Variants in PPARGC1A observed in about 807,000 individuals in gnomAD.
PPARGC1A encodes peroxisome proliferator-activated receptor gamma coactivator 1-alpha.
Under a neutral mutation model 88.7 loss-of-function variants are expected in PPARGC1A, and 25 were observed. The ratio of observed to expected loss-of-function variants is 0.28; its 90% CI spans 0.21 to 0.39. PPARGC1A has a LOEUF of 0.39. Among genes scored for constraint, PPARGC1A ranks in the 10% least tolerant of loss-of-function variants. PPARGC1A has a pLI of 1.00. For synonymous variants in PPARGC1A, 363 were observed against 355.6 expected (o/e 1.02, Z -0.24); for missense variants, 880 against 968.7 (o/e 0.91, Z 1.22).
the PPARGC1A span, among the ~76,000 whole-genome samples, chr4:24,393,710 T>C: frequency 6.6e-6 from 1 of 152,366 alleles, no homozygotes; most frequent in Admixed American, 6.5e-5. Context: ...CAGTACCACA[T>C]GCACAATTCT....
the PPARGC1A span, among the ~76,000 whole-genome samples, chr4:24,009,150 A>AAAAAAAGAG: frequency 0.011 from 842 of 79,784 alleles, 29 homozygotes; most frequent in African/African-American, 0.045. Flanking sequence ...AAAAAAAAAA[A>AAAAAAAGAG]AGAGAGAGAA....
chr4:24,041,669 T>C, the PPARGC1A span, among the ~76,000 whole-genome samples: 1 of 152,150 alleles, frequency 6.6e-6, no homozygotes, highest in South Asian at 2.1e-4. Flanking sequence ...ATAGAGATCA[T>C]TCTCTGCAGA....
chr4:24,056,375 A>T, the PPARGC1A span, among the ~76,000 whole-genome samples: 1 of 152,140 alleles, frequency 6.6e-6, no homozygotes, highest in African/African-American at 2.4e-5. Context: ...ATGGAGAATA[A>T]ATTATCCCAT....
At chr4:24,044,496 G>A in the PPARGC1A span, among the ~76,000 whole-genome samples, 1 of 152,108 alleles carries the variant, frequency 6.6e-6, no homozygotes, top group African/African-American at 2.4e-5. Context: ...TTTTGGAAGT[G>A]TTTGAGGAAA....
chr4:24,464,331 G>A, the PPARGC1A span, among the ~76,000 whole-genome samples: 12 of 152,296 alleles, frequency 7.9e-5, no homozygotes, highest in Admixed American at 3.9e-4. Context: ...CCTAAGAGAT[G>A]ATAACATCTA....
At chr4:24,074,733 CCCA>C in the PPARGC1A span, among the ~76,000 whole-genome samples, 3 of 152,146 alleles carry the variant, frequency 2.0e-5, no homozygotes, top group East Asian at 5.8e-4. Context: ...AAACATTTGC[CCCA>C]TGTGGTGGGA....
the PPARGC1A span, among the ~76,000 whole-genome samples, chr4:24,414,944 C>T: frequency 2.0e-5 from 3 of 152,106 alleles, no homozygotes; most frequent in Non-Finnish European, 4.4e-5. Context: ...AATCCCAACA[C>T]TTTGGGAGGC....
chr4:23,830,345 T>A (rs988595320), intron 3 of PPARGC1A, among the ~76,000 whole-genome samples: 3 of 152,200 alleles, frequency 2.0e-5, no homozygotes, highest in Non-Finnish European at 4.4e-5. Flanking sequence ...GTTTCTTCAT[T>A]TCACTGGATG....
intron 2 of PPARGC1A, among the ~76,000 whole-genome samples, chr4:23,855,322 T>C (rs1036279689): frequency 6.6e-6 from 1 of 152,206 alleles, no homozygotes; most frequent in Non-Finnish European, 1.5e-5. Context: ...CTTATTTGAA[T>C]CTGGCTTTTA....
chr4:23,945,987 G>A, the PPARGC1A span, among the ~76,000 whole-genome samples: 1 of 152,104 alleles, frequency 6.6e-6, no homozygotes, highest in Admixed American at 6.6e-5. Context: ...GCTGGAGGTG[G>A]ACACAAAGCG....
intron 10 of PPARGC1A, among the ~76,000 whole-genome samples, chr4:23,811,455 T>G (rs1327117668): frequency 5.3e-5 from 8 of 152,206 alleles, no homozygotes; most frequent in Non-Finnish European, 1.2e-4. Flanking sequence ...CAGTGCTATA[T>G]CTCATTGATT....
At chr4:24,433,908 T>A in the PPARGC1A span, among the ~76,000 whole-genome samples, 3 of 152,296 alleles carry the variant, frequency 2.0e-5, no homozygotes, top group African/African-American at 7.2e-5. Flanking sequence ...ATAAAGCCTT[T>A]ATTAACAAAA....
the PPARGC1A span, among the ~76,000 whole-genome samples, chr4:24,053,356 C>T: frequency 6.6e-6 from 1 of 152,086 alleles, no homozygotes; most frequent in South Asian, 2.1e-4. Flanking sequence ...TGTGCAATGA[C>T]CATAGACATG....
At chr4:24,096,627 G>A in the PPARGC1A span, among the ~76,000 whole-genome samples, 4,301 of 152,256 alleles carry the variant, frequency 0.028, 201 homozygotes, top group African/African-American at 0.097. Context: ...ACCATTTCTT[G>A]CCTCAGAATA....
chr4:24,223,921 C>A, the PPARGC1A span, among the ~76,000 whole-genome samples: 1 of 152,232 alleles, frequency 6.6e-6, no homozygotes, highest in African/African-American at 2.4e-5. Flanking sequence ...ACAGTTTTCC[C>A]TTTTTTAAGA....
At chr4:23,930,961 A>G in the PPARGC1A span, among the ~76,000 whole-genome samples, 2 of 152,200 alleles carry the variant, frequency 1.3e-5, no homozygotes, top group Non-Finnish European at 1.5e-5. Context: ...TTGGCTTAGA[A>G]CACAAGGCTC....
At chr4:24,190,051 G>A in the PPARGC1A span, among the ~76,000 whole-genome samples, 1 of 152,174 alleles carries the variant, frequency 6.6e-6, no homozygotes, top group Non-Finnish European at 1.5e-5. Flanking sequence ...GTAGCATGAT[G>A]CTGTGACATG....
chr4:24,254,419 TCC>T, the PPARGC1A span, among the ~76,000 whole-genome samples: 2 of 152,166 alleles, frequency 1.3e-5, no homozygotes, highest in Non-Finnish European at 2.9e-5. Context: ...AGAGAGGCAC[TCC>T]CCAGTTCCAT....
the PPARGC1A span, among the ~76,000 whole-genome samples, chr4:24,204,262 T>C: frequency 6.6e-6 from 1 of 152,166 alleles, no homozygotes; most frequent in Non-Finnish European, 1.5e-5. Context: ...TATTTGATTG[T>C]AGTTGAAATA....
Sources: gnomAD v4.1 joint callset for allele counts (sites outside exome capture counted in the v4.1 genomes callset) on GRCh38, gnomAD v4.1.1 for gene constraint, MANE v1.5 for transcripts, NCBI Gene and HGNC (gene_info 2026-07-23, HGNC 2026-07-21) for gene names.